CCSER1: variants seen among roughly 807,000 people sequenced by gnomAD.
The protein encoded by CCSER1 is coiled-coil serine rich protein 1, also known as serine-rich coiled-coil domain-containing protein 1.
Under a neutral mutation model 82.0 loss-of-function variants are expected in CCSER1, and 41 were observed. The observed-to-expected ratio is 0.50, with a 90% CI of 0.39 to 0.65. CCSER1 has a LOEUF of 0.65. Among genes scored for constraint, CCSER1 ranks in the 30% least tolerant of loss-of-function variants. The probability of loss-of-function intolerance (pLI) is 0.00; values close to 1 mark genes in which losing one functional copy is unlikely to be tolerated. For synonymous variants in CCSER1, 414 were observed against 383.9 expected (o/e 1.08, Z -0.92); for missense variants, 1,119 against 1,064.2 (o/e 1.05, Z -0.72).
chr4:90,363,111 A>T (rs1322533865), intron 3 of CCSER1, among the ~76,000 whole-genome samples: 1 of 152,156 alleles, frequency 6.6e-6, no homozygotes, highest in Admixed American at 6.6e-5. Context: ...ACCTAAGATT[A>T]TACAGTAAAA....
intron 10 of CCSER1, among the ~76,000 whole-genome samples, chr4:91,180,851 G>C (rs777735351): frequency 1.3e-5 from 2 of 152,200 alleles, no homozygotes; most frequent in African/African-American, 4.8e-5. Context: ...CAGCAAACCA[G>C]TCATTAGCAT....
chr4:90,577,076 G>T (rs1780852387), intron 5 of CCSER1, among the ~76,000 whole-genome samples: 1 of 152,068 alleles, frequency 6.6e-6, no homozygotes, highest in South Asian at 2.1e-4. Flanking sequence ...ATTTTAGTAA[G>T]TACCTAGTGG....
chr4:91,435,752 A>T (rs940915472), intron 10 of CCSER1, among the ~76,000 whole-genome samples: 15 of 152,352 alleles, frequency 9.8e-5, no homozygotes, highest in African/African-American at 3.4e-4. Context: ...TTTATTTGAG[A>T]TATCTCCACT....
At chr4:90,529,467 T>C (rs374079780) in intron 5 of CCSER1, among the ~76,000 whole-genome samples, 4 of 152,156 alleles carry the variant, frequency 2.6e-5, no homozygotes, top group African/African-American at 7.2e-5. Context: ...TGGCCTCAAG[T>C]GATCTGCCTG....
chr4:90,934,942 G>GCACA (rs1561389579), intron 9 of CCSER1, among the ~76,000 whole-genome samples: 1 of 151,088 alleles, frequency 6.6e-6, no homozygotes, highest in Non-Finnish European at 1.5e-5. Context: ...ACACACACAC[G>GCACA]CACACACACA....
intron 5 of CCSER1, among the ~76,000 whole-genome samples, chr4:90,498,828 T>C (rs534045405): frequency 5.3e-5 from 8 of 152,270 alleles, no homozygotes; most frequent in African/African-American, 1.9e-4. Context: ...AAGTCTTATA[T>C]TGTTTTAGAG....
intron 10 of CCSER1, among the ~76,000 whole-genome samples, chr4:91,203,617 T>A (rs935313748): frequency 1.3e-5 from 2 of 151,164 alleles, no homozygotes; most frequent in Non-Finnish European, 3.0e-5. Context: ...ACAGGAATGC[T>A]CTGCTAAAGC....
intron 9 of CCSER1, among the ~76,000 whole-genome samples, chr4:90,931,799 A>G (rs1293367936): frequency 6.6e-6 from 1 of 152,222 alleles, no homozygotes; most frequent in Non-Finnish European, 1.5e-5. Flanking sequence ...GTCCATCAAA[A>G]TGTTTTTCAG....
chr4:91,533,882 G>T (rs894553262), intron 10 of CCSER1, among the ~76,000 whole-genome samples: 2 of 151,744 alleles, frequency 1.3e-5, no homozygotes, highest in Middle Eastern at 3.2e-3. Context: ...ATTTTAAAGG[G>T]GTTCTTAGTA....
chr4:90,651,703 T>G (rs62314389), intron 6 of CCSER1, among the ~76,000 whole-genome samples: 17,934 of 151,758 alleles, frequency 0.12, 1,175 homozygotes, highest in East Asian at 0.18. Flanking sequence ...AAAAAAAAGT[T>G]TGTAAAGCAA....
chr4:91,364,438 G>A (rs750471733), intron 10 of CCSER1, among the ~76,000 whole-genome samples: 48 of 151,894 alleles, frequency 3.2e-4, no homozygotes, highest in Non-Finnish European at 5.9e-4. Context: ...TCAATATCTG[G>A]TTATTGCTCG....
chr4:90,938,957 A>G (rs1731278374), intron 9 of CCSER1: 1 of 157,330 alleles, frequency 6.4e-6, no homozygotes, highest in Non-Finnish European at 1.4e-5. Flanking sequence ...GTATTTTTAA[A>G]ACAAAAATAG....
At chr4:90,464,333 A>G (rs1763340364) in intron 4 of CCSER1, among the ~76,000 whole-genome samples, 1 of 152,204 alleles carries the variant, frequency 6.6e-6, no homozygotes, top group African/African-American at 2.4e-5. Context: ...TGTGACTATC[A>G]AGTATTTTTT....
In CCSER1 at chr4:90,287,203, A is replaced by T. The variant is rs898116336; in HGVS notation, c.-41-21041A>T. 1.0e-4 allele frequency among the ~76,000 whole-genome samples: 14 copies of T among 137,652 alleles called. No individual in the cohort carries two copies. The East Asian group carries it at 2.6e-3, about 26-fold the overall frequency. 90.3% of individuals were successfully genotyped at this position (137,652 alleles called of 152,430 possible). ...ACCTTGGGTTCTTACATTAATAATT[A>T]AAAAAAAACCCTACAAAATAGGGTC... On this transcript the variant is annotated intron_variant, in intron 1 of 10. Transcript: ENST00000509176.
chr4:90,414,728 C>G (rs1019798290), intron 4 of CCSER1, among the ~76,000 whole-genome samples: 1 of 151,982 alleles, frequency 6.6e-6, no homozygotes, highest in African/African-American at 2.4e-5. Flanking sequence ...TATTTACTAG[C>G]ATTTAATATT....
chr4:91,091,833 C>T (rs573318519), intron 10 of CCSER1, among the ~76,000 whole-genome samples: 93 of 152,226 alleles, frequency 6.1e-4, no homozygotes, highest in South Asian at 5.8e-3. Flanking sequence ...GATCCACACA[C>T]GGTCACCTGG....
intron 9 of CCSER1, among the ~76,000 whole-genome samples, chr4:91,080,397 C>A (rs1396828914): frequency 3.3e-5 from 5 of 152,140 alleles, no homozygotes; most frequent in Non-Finnish European, 5.9e-5. Context: ...ACACCAGAAT[C>A]TCTGGGACAC....
At chr4:91,053,177 G>A (rs1168054500) in intron 9 of CCSER1, among the ~76,000 whole-genome samples, 1 of 152,100 alleles carries the variant, frequency 6.6e-6, no homozygotes, top group Non-Finnish European at 1.5e-5. Flanking sequence ...TTTCCTAATT[G>A]TAAATTTCAC....
chr4:90,533,772 T>C (rs1218807567), intron 5 of CCSER1, among the ~76,000 whole-genome samples: 1 of 152,246 alleles, frequency 6.6e-6, no homozygotes, highest in Non-Finnish European at 1.5e-5. Context: ...GTATTCTATA[T>C]CATTGTATTT....
Sources: gnomAD v4.1 joint callset for allele counts (sites outside exome capture counted in the v4.1 genomes callset) on GRCh38, gnomAD v4.1.1 for gene constraint, MANE v1.5 for transcripts, NCBI Gene and HGNC (gene_info 2026-07-23, HGNC 2026-07-21) for gene names.